Variants in PECR observed in about 807,000 individuals in gnomAD.
PECR encodes peroxisomal trans-2-enoyl-CoA reductase, also known as 2,4-dienoyl-CoA reductase-related protein.
PECR carries 30 observed loss-of-function variants against 35.3 expected under a neutral mutation model. The observed-to-expected ratio is 0.85, with a 90% confidence interval of 0.64 to 1.15. PECR has a LOEUF of 1.15. Among genes scored for constraint, PECR ranks in the 50% most tolerant of loss-of-function variants. The probability of loss-of-function intolerance (pLI) is 0.00; values close to 1 mark genes in which losing one functional copy is unlikely to be tolerated. For missense variants in PECR, 392 were observed against 370.8 expected (o/e 1.06, Z -0.47); for synonymous variants, 148 against 138.9 (o/e 1.07, Z -0.46).
At chr2:216,066,927 G>A (rs1266772250) in intron 1 of PECR, among the ~76,000 whole-genome samples, 1 of 152,088 alleles carries the variant, frequency 6.6e-6, no homozygotes, top group Non-Finnish European at 1.5e-5. Flanking sequence ...AGTAGAAACT[G>A]AATTTGCCCT....
At chr2:216,061,406 A>T (rs1054826840) in intron 3 of PECR, among the ~76,000 whole-genome samples, 2 of 151,186 alleles carry the variant, frequency 1.3e-5, no homozygotes, top group African/African-American at 4.8e-5. Flanking sequence ...GTCTCAAAGT[A>T]TTATCCACAG....
intron 4 of PECR, among the ~76,000 whole-genome samples, chr2:216,056,666 A>T (rs1340236400): frequency 6.7e-6 from 1 of 149,874 alleles, no homozygotes; most frequent in Non-Finnish European, 1.5e-5. Context: ...GGTTGCAGTG[A>T]GCCAAGATCG....
chr2:216,055,915 C>T (rs911136689), intron 4 of PECR, among the ~76,000 whole-genome samples: 3 of 152,208 alleles, frequency 2.0e-5, no homozygotes, highest in Admixed American at 2.0e-4. Context: ...TGTCTTTACA[C>T]AGTAAATGTC....
At chr2:216,079,904 C>T (rs1286557973) in intron 1 of PECR, among the ~76,000 whole-genome samples, 2 of 146,494 alleles carry the variant, frequency 1.4e-5, no homozygotes, top group South Asian at 2.2e-4. Context: ...TCGCTTGAAC[C>T]CAGGAGGCGG....
At chr2:216,040,955 T>C (rs550316655) in intron 7 of PECR, among the ~76,000 whole-genome samples, 3 of 152,272 alleles carry the variant, frequency 2.0e-5, no homozygotes, top group South Asian at 2.1e-4. Flanking sequence ...TGTCCCTGCA[T>C]ACAGGAACAA....
chr2:216,048,925 T>C lies in PECR; in HGVS notation c.714+338A>G, dbSNP rs1443701016. ...ACAGACTTCAACCTTAACCGAAATC[T>C]CATGTGGAACTTCATATGGCCATAG... On this transcript the variant is annotated intron_variant, in intron 6 of 7. Transcript: ENST00000265322. 8.6e-5 allele frequency among the ~76,000 whole-genome samples: 13 copies of C among 150,316 alleles called. 1 individual carries two copies.
At chr2:216,050,229 T>TA (rs989757221) in intron 5 of PECR, among the ~76,000 whole-genome samples, 20 of 150,656 alleles carry the variant, frequency 1.3e-4, no homozygotes, top group African/African-American at 2.2e-4. Flanking sequence ...CTCAAACATT[T>TA]AAAAAAAAAA....
downstream of PECR, among the ~76,000 whole-genome samples, chr2:216,037,416 A>G (rs1694812623): frequency 6.6e-6 from 1 of 152,212 alleles, no homozygotes; most frequent in Admixed American, 6.5e-5. Context: ...GTCATGTGAA[A>G]GCAAGCCCTG....
chr2:216,058,197 T>C (rs1268113034), intron 4 of PECR, among the ~76,000 whole-genome samples: 1 of 152,114 alleles, frequency 6.6e-6, no homozygotes, highest in Non-Finnish European at 1.5e-5. Context: ...GGCTGGATAA[T>C]TTGCTGTGCT....
At chr2:216,071,796 C>T (rs1695593519) in intron 1 of PECR, among the ~76,000 whole-genome samples, 1 of 152,184 alleles carries the variant, frequency 6.6e-6, no homozygotes, top group South Asian at 2.1e-4. Context: ...TTCTATTTAT[C>T]CCTACTTATC....
intron 6 of PECR, among the ~76,000 whole-genome samples, chr2:216,048,631 A>T (rs1218553221): frequency 6.6e-6 from 1 of 151,512 alleles, no homozygotes; most frequent in Non-Finnish European, 1.5e-5. Flanking sequence ...AATTGCTTGA[A>T]CCCAGGAGGT....
intron 1 of PECR, among the ~76,000 whole-genome samples, chr2:216,067,651 G>A (rs1209503288): frequency 6.6e-6 from 1 of 151,684 alleles, no homozygotes; most frequent in Non-Finnish European, 1.5e-5. Flanking sequence ...CCACCTCCCG[G>A]GTTCAAGTGA....
intron 7 of PECR, among the ~76,000 whole-genome samples, chr2:216,030,954 TCTCACACA>T (rs1472774330): frequency 6.4e-5 from 7 of 109,470 alleles, no homozygotes; most frequent in African/African-American, 3.0e-4. Context: ...TCTCTCTCTC[TCTCACACA>T]CACACACACA....
intron 1 of PECR, among the ~76,000 whole-genome samples, chr2:216,070,517 T>C (rs1424508412): frequency 6.6e-6 from 1 of 152,230 alleles, no homozygotes; most frequent in Non-Finnish European, 1.5e-5. Flanking sequence ...GGTTACTACT[T>C]GAGACCGTCA....
chr2:216,041,181 T>C (rs937366226), intron 7 of PECR, among the ~76,000 whole-genome samples: 2 of 152,046 alleles, frequency 1.3e-5, no homozygotes, highest in Non-Finnish European at 2.9e-5. Flanking sequence ...TTTTTAATGA[T>C]AAAAAGTGTT....
chr2:216,048,953 G>A (rs1221115088), intron 6 of PECR, among the ~76,000 whole-genome samples: 1 of 150,420 alleles, frequency 6.6e-6, no homozygotes, highest in Non-Finnish European at 1.5e-5. Flanking sequence ...GGCCATAGTT[G>A]TCTAATTTGC....
chr2:216,034,079 A>C (rs2105937631), downstream of PECR: 1 of 152,334 alleles, frequency 6.6e-6, no homozygotes, highest in East Asian at 1.9e-4. Context: ...AAAGGAAGAA[A>C]CTAAAGCTCA....
chr2:216,041,671 C>T lies in PECR; in HGVS notation c.826+2233G>A, dbSNP rs138670181. ...TTCAGTATAGGGGCTGGTCACCAGACAGACCAAGGCATGATTACAGGGTTG... is the reference window on the plus strand; with the variant it reads ...TTCAGTATAGGGGCTGGTCACCAGATAGACCAAGGCATGATTACAGGGTTG... On this transcript the variant is annotated intron_variant, in intron 7 of 7. Transcript: ENST00000265322. 3.8e-3 allele frequency among the ~76,000 whole-genome samples: 583 copies of T among 152,300 alleles called. 5 individuals carry two copies. The highest frequency in any genetic ancestry group is 0.013 in the African/African-American group (557 of 41,564).
intron 7 of PECR, among the ~76,000 whole-genome samples, chr2:216,043,654 T>C (rs1301892485): frequency 3.9e-5 from 6 of 152,148 alleles, no homozygotes; most frequent in African/African-American, 1.4e-4. Context: ...TGAGAATATT[T>C]TTCAGGGTTC....
Sources: gnomAD v4.1 joint callset for allele counts (sites outside exome capture counted in the v4.1 genomes callset) on GRCh38, gnomAD v4.1.1 for gene constraint, MANE v1.5 for transcripts, NCBI Gene and HGNC (gene_info 2026-07-23, HGNC 2026-07-21) for gene names.